HAL: variants seen among roughly 807,000 people sequenced by gnomAD.
The protein encoded by HAL is histidase.
A neutral mutation model predicts 81.1 loss-of-function variants in HAL; 85 were observed. The ratio of observed to expected loss-of-function variants is 1.05; its 90% confidence interval spans 0.88 to 1.25. The LOEUF (loss-of-function observed/expected upper bound fraction) is 1.25, where lower values mean the gene tolerates loss of function less well. Among genes scored for constraint, HAL ranks in the 50% most tolerant of loss-of-function variants. HAL has a pLI of 0.00. For synonymous variants in HAL, 301 were observed against 309.2 expected, an observed-to-expected ratio of 0.97 and a Z score of 0.28; for missense variants, 798 against 836.6, an observed-to-expected ratio of 0.95 and a Z score of 0.57.
intron 15 of HAL, 103 bp downstream of exon 15, chr12:95,983,808 G>T: frequency 4.1e-6 from 3 of 737,104 alleles, no homozygotes; most frequent in East Asian, 2.6e-5. Flanking sequence ...CTGTGAAATG[G>T]AGCAATGGAA....
chr12:95,994,733 C>A (rs530467009), intron 4 of HAL, 65 bp downstream of exon 4: 1 of 1,492,988 alleles, frequency 6.7e-7, no homozygotes, highest in Admixed American at 1.7e-5. Flanking sequence ...GTTTTCCTGG[C>A]TTTCCTCCCT....
chr12:95,984,084 T>G (rs1226128200), intron 14 of HAL, 93 bp from the exon 15 acceptor site: 1 of 722,290 alleles, frequency 1.4e-6, no homozygotes, highest in Non-Finnish European at 2.5e-6. Context: ...TATCTTAAAG[T>G]TATAAAGAAT....
intron 12 of HAL, among the ~76,000 whole-genome samples, chr12:95,986,736 C>G (rs889617478): frequency 6.6e-6 from 1 of 152,024 alleles, no homozygotes; most frequent in East Asian, 1.9e-4. Context: ...TAGTCGGGAC[C>G]AACTCTAATC....
At chr12:95,974,982 C>CA (rs1422073591) in intron 20 of HAL, among the ~76,000 whole-genome samples, 2 of 152,214 alleles carry the variant, frequency 1.3e-5, no homozygotes, top group African/African-American at 4.8e-5. Context: ...TCAAGTGATC[C>CA]ACCCACCACA....
chr12:95,987,111 A>G lies in HAL; in HGVS notation c.1007T>C (p.Leu336Pro), dbSNP rs759273995. Residue 336 changes from leucine (L) to proline (P), a missense_variant, in exon 12 of 21, where the codon CTG (leucine) becomes CCG (proline). Coordinates refer to ENST00000261208, the MANE Select transcript of HAL (RefSeq NM_002108.4). ...GGTGCCCTTCAGCACCTCAAGGGTC[A>G]GGGCTGCCACAATGTCAGCCTGCCG... Reference protein sequence around the residue: ...IARQADIVAALTLEVLKGTTK... With the variant: ...IARQADIVAAPTLEVLKGTTK... 6.2e-6 allele frequency: 10 copies of G among 1,613,082 alleles called. No homozygotes were observed. The highest frequency in any genetic ancestry group is 1.3e-5 in the African/African-American group (1 of 75,030).
At chr12:95,987,897 CG>C (rs60041699) in intron 11 of HAL, among the ~76,000 whole-genome samples, 3 of 45,774 alleles carry the variant, frequency 6.6e-5, no homozygotes, top group African/African-American at 1.6e-4. Context: ...TTTGGCGGGG[CG>C]GGGGGGGCGG....
At chr12:95,987,619 G>A (rs1165274618) in intron 11 of HAL, among the ~76,000 whole-genome samples, 1 of 152,146 alleles carries the variant, frequency 6.6e-6, no homozygotes, top group Non-Finnish European at 1.5e-5. Flanking sequence ...AGGAATTTGG[G>A]CTGAGAACAT....
rs757457132 is a variant in HAL at position 95,980,771 on chromosome 12, G to A, written c.1353+27C>T. ...AGCCTATATTGAAATGTGCCTTCTG[G>A]GTCAGGAGCAGTTTTAAAAAGCTTA... is the stretch of plus-strand genomic sequence containing the variant. On this transcript the variant is annotated intron_variant, in intron 16 of 20. Transcript: ENST00000261208. 3 of 1,597,812 alleles carry A rather than the reference G, an allele frequency of 1.9e-6. No homozygotes were observed. In the South Asian group the frequency reaches 3.3e-5, roughly 18 times the overall value.
chr12:95,988,205 T>TA lies in HAL; in HGVS notation c.890dup (p.Leu297PhefsTer22), dbSNP rs529944094. The TA allele has an allele frequency of 6.3e-5, 94 of 1,500,940 alleles. No individual in the cohort carries two copies. The Admixed American group carries it at 9.2e-4, about 15-fold the overall frequency. The allele number at this position is 1,500,940 out of a possible 1,614,324, so 93.0% of individuals were successfully genotyped here. A position where few individuals can be genotyped will look rare whatever the true frequency, so the allele number is the denominator to read the frequency against. On this transcript the variant is annotated frameshift_variant, in exon 11 of 21. Transcript: ENST00000261208. LOFTEE classifies it high-confidence loss of function. ...TGAGTTTCCTTACCTCTTTTGGTTT[T>TA]AAAATAACTGGTTTCAATCCATGGG...
chr12:95,977,026 A>G (rs1309113531), intron 18 of HAL, among the ~76,000 whole-genome samples: 2 of 152,110 alleles, frequency 1.3e-5, no homozygotes, highest in Non-Finnish European at 2.9e-5. Context: ...ATCCTCTAAC[A>G]AAGGTTTGTT....
chr12:95,994,650 A>G, intron 4 of HAL, 148 bp downstream of exon 4: 1 of 842,510 alleles, frequency 1.2e-6, no homozygotes, highest in Non-Finnish European at 2.0e-6. Context: ...TCGGCCACCC[A>G]AAGTGCTGGG....
At position 95,977,927 on chromosome 12, in the gene HAL, G is replaced by A. The variant is rs2080742531; in HGVS notation, c.1654+17C>T. 14 of 1,613,686 alleles carry A rather than the reference G, an allele frequency of 8.7e-6. No homozygotes were observed. The highest frequency in any genetic ancestry group is 1.3e-5 in the African/African-American group (1 of 75,008). On this transcript the variant is annotated intron_variant, in intron 18 of 20. Transcript: ENST00000261208. Reference sequence around the variant, plus strand: ...GTCTATCAGGCAGGCCCGCCACCCCGAACTCATCAGCATTACCTTGCTCCA... The same window carrying A: ...GTCTATCAGGCAGGCCCGCCACCCCAAACTCATCAGCATTACCTTGCTCCA...
intron 10 of HAL, 112 bp from the exon 11 acceptor site, chr12:95,988,352 G>A: frequency 1.4e-6 from 1 of 731,470 alleles, no homozygotes; most frequent in South Asian, 1.5e-5. Context: ...CATCTTATAA[G>A]AAATGAGACC....
chr12:95,991,430 C>T (rs1052189363), intron 9 of HAL, among the ~76,000 whole-genome samples: 2 of 152,056 alleles, frequency 1.3e-5, no homozygotes, highest in African/African-American at 4.8e-5. Flanking sequence ...GGTGGTGCAC[C>T]AAAGCATTAA....
intron 10 of HAL, chr12:95,989,990 G>C (rs576595002): frequency 3.7e-6 from 1 of 273,788 alleles, no homozygotes; most frequent in South Asian, 4.1e-5. Context: ...AAGAGCTTAG[G>C]GAAAAATGAA....
intron 18 of HAL, 116 bp from the exon 19 acceptor site, chr12:95,976,822 T>C (rs975734484): frequency 5.5e-6 from 4 of 731,504 alleles, no homozygotes. Context: ...GTTTGTTCTC[T>C]GTCTATTGGT....
intron 10 of HAL, 66 bp downstream of exon 10, chr12:95,990,327 C>T: frequency 2.3e-6 from 3 of 1,294,072 alleles, no homozygotes; most frequent in South Asian, 1.2e-5. Flanking sequence ...TGATACGAAG[C>T]ATGCAAGCAC....
chr12:95,986,057 G>A lies in HAL; in HGVS notation c.1147+8C>T. On this transcript the variant is annotated splice_region_variant and intron_variant, in intron 13 of 20. Coordinates refer to ENST00000261208, the MANE Select transcript of HAL (RefSeq NM_002108.4). ...CCAAATAGGTCACTCCCATAAACAT[G>A]GTCAGACCTGCTATTTCTGATGGGT... 6.3e-7 allele frequency: 1 copy of A among 1,598,924 alleles called. No individual in the cohort carries two copies. The highest frequency in any genetic ancestry group is 8.6e-7 in the Non-Finnish European group (1 of 1,166,212).
At position 95,980,645 on chromosome 12, in the gene HAL, G is replaced by A; in HGVS notation, c.1430C>T (p.Pro477Leu). ...GAAGGCAGGCAGCTCACTGAGGGAG[G>A]GATTGCAGAGCCGCTCGATTCTTCT... Reference protein sequence around the residue: ...SERRIERLCNPSLSELPAFLV... With the variant: ...SERRIERLCNLSLSELPAFLV... The change falls in exon 17 of 21, where the codon CCC becomes CTC. Residue 477 changes from proline (P) to leucine (L), a missense_variant. By Grantham distance (98) the Pro-to-Leu change is moderately conservative. Transcript: ENST00000261208. 6.2e-7 allele frequency: 1 copy of A among 1,613,944 alleles called. No homozygotes were observed. Among genetic ancestry groups the A allele is most frequent in the Middle Eastern group, 1.7e-4 (1 of 6,060 alleles).
Sources: gnomAD v4.1 joint callset for allele counts (sites outside exome capture counted in the v4.1 genomes callset) on GRCh38, gnomAD v4.1.1 for gene constraint, MANE v1.5 for transcripts, NCBI Gene and HGNC (gene_info 2026-07-23, HGNC 2026-07-21) for gene names.